Variants in OXTR observed in about 807,000 individuals in gnomAD.
The protein encoded by OXTR is oxytocin receptor.
OXTR carries 19 observed loss-of-function variants against 23.9 expected under a neutral mutation model. That is an observed-to-expected ratio of 0.80 (90% CI 0.56 to 1.17). The LOEUF (loss-of-function observed/expected upper bound fraction) is 1.17. OXTR is among the 50% of genes most tolerant of loss of function. OXTR has a pLI of 0.00. For missense variants in OXTR, 500 were observed against 550.7 expected (o/e 0.91, Z 0.92); for synonymous variants, 278 against 250.5 (o/e 1.11, Z -1.04).
At position 8,768,205 on chromosome 3, in the gene OXTR, T is replaced by G; in HGVS notation, c.-18A>C. The G allele has an allele frequency of 7.8e-7, 1 of 1,280,834 alleles. No individual in the cohort carries two copies. Among genetic ancestry groups the G allele is most frequent in the Non-Finnish European group, 9.8e-7 (1 of 1,020,198 alleles). The allele number at this position is 1,280,834 out of a possible 1,614,324, so 79.3% of individuals were successfully genotyped here. On this transcript the variant is annotated 5_prime_UTR_variant, in exon 3 of 4. Coordinates refer to ENST00000316793, the MANE Select transcript of OXTR (RefSeq NM_000916.4). This position sits in a 1 kb window ranked among gnomAD's most constrained non-coding sequence, Gnocchi z 5.4. ...CCCTCCATGACCCTGGCGGCAGCGG[T>G]GCGCCCCGGCCTTCGAGCCCTTTAC...
intron 3 of OXTR, among the ~76,000 whole-genome samples, chr3:8,755,255 A>G (rs1229642388): frequency 1.3e-5 from 2 of 152,180 alleles, no homozygotes; most frequent in African/African-American, 4.8e-5. Flanking sequence ...ATGTCTTAGA[A>G]ATAATGAAAG....
At chr3:8,762,914 C>T (rs1037100755) in intron 3 of OXTR, among the ~76,000 whole-genome samples, 1 of 152,342 alleles carries the variant, frequency 6.6e-6, no homozygotes, top group Middle Eastern at 3.4e-3. Context: ...TCTTCATGGC[C>T]ATCCCTGCCC....
chr3:8,741,473 G>C, the OXTR span, among the ~76,000 whole-genome samples: 1 of 152,124 alleles, frequency 6.6e-6, no homozygotes, highest in Non-Finnish European at 1.5e-5. Flanking sequence ...TCTCACTTGG[G>C]TTTTCTGACT....
intron 3 of OXTR, among the ~76,000 whole-genome samples, chr3:8,766,806 T>A (rs1708617879): frequency 6.6e-6 from 1 of 152,176 alleles, no homozygotes; most frequent in Non-Finnish European, 1.5e-5. Context: ...TTTCTTGAAC[T>A]TAAAGTGGAA....
downstream of OXTR, among the ~76,000 whole-genome samples, chr3:8,749,876 A>G (rs138438271): frequency 1.6e-3 from 237 of 152,274 alleles, no homozygotes; most frequent in African/African-American, 5.5e-3. Context: ...ATGGAGGAAG[A>G]ATAAAGTGTG....
intron 3 of OXTR, among the ~76,000 whole-genome samples, chr3:8,754,839 T>C (rs942325365): frequency 5.9e-5 from 9 of 152,232 alleles, no homozygotes; most frequent in South Asian, 4.1e-4. Context: ...GTCTAATTAA[T>C]TGGTGCACCT....
intron 3 of OXTR, among the ~76,000 whole-genome samples, chr3:8,758,094 C>A (rs1353647002): frequency 6.6e-6 from 1 of 152,110 alleles, no homozygotes; most frequent in African/African-American, 2.4e-5. Context: ...ACGCCAACAT[C>A]CCCTGCTGGG....
chr3:8,763,718 G>A (rs536100211), intron 3 of OXTR, among the ~76,000 whole-genome samples: 5 of 152,264 alleles, frequency 3.3e-5, no homozygotes, highest in Admixed American at 2.6e-4. Context: ...GACGGCATCC[G>A]GCTGCTTTGA....
chr3:8,744,275 A>ATTTTTT, the OXTR span, among the ~76,000 whole-genome samples: 102 of 120,840 alleles, frequency 8.4e-4, 1 homozygote, highest in African/African-American at 3.4e-3. Context: ...GACCAGTGGA[A>ATTTTTT]TTTTTTTTTT....
At chr3:8,761,481 G>C (rs866020309) in intron 3 of OXTR, among the ~76,000 whole-genome samples, 1 of 151,946 alleles carries the variant, frequency 6.6e-6, no homozygotes, top group African/African-American at 2.4e-5. Flanking sequence ...GTAGATCATC[G>C]GGAAAACTGC....
intron 3 of OXTR, among the ~76,000 whole-genome samples, chr3:8,762,525 T>C (rs1452677486): frequency 6.6e-6 from 1 of 152,234 alleles, no homozygotes; most frequent in Non-Finnish European, 1.5e-5. Context: ...GCACTCTTCA[T>C]GGCCCAGAGT....
At chr3:8,741,427 T>C in the OXTR span, among the ~76,000 whole-genome samples, 1 of 152,156 alleles carries the variant, frequency 6.6e-6, no homozygotes, top group Non-Finnish European at 1.5e-5. Flanking sequence ...AGCAAGGTAA[T>C]AGGGGAGGAA....
At chr3:8,766,647 C>T (rs1043189417) in intron 3 of OXTR, among the ~76,000 whole-genome samples, 1 of 152,180 alleles carries the variant, frequency 6.6e-6, no homozygotes, top group African/African-American at 2.4e-5. Flanking sequence ...CACCTCCACT[C>T]GATGAGGAGT....
downstream of OXTR, chr3:8,745,726 A>G (rs1708140024): frequency 1.2e-6 from 2 of 1,614,120 alleles, no homozygotes; most frequent in Non-Finnish European, 1.7e-6. This position sits in a 1 kb window ranked among gnomAD's most constrained non-coding sequence, Gnocchi z 4.8. Context: ...CGGTGGTGCC[A>G]TGCATTAAGA....
rs750277604 is a variant in OXTR, at chr3:8,753,175, G to T, written c.972C>A (p.Cys324Ter). Residue 324 changes from cysteine (C) to a stop codon, truncating the protein, a stop_gained, in exon 4 of 4, where the codon TGC (cysteine) becomes TGA (stop). Coordinates refer to ENST00000316793, the MANE Select transcript of OXTR (RefSeq NM_000916.4). LOFTEE classifies it high-confidence loss of function. ...VMLLASLNSC[C>*]NPWIYMLFTG... ...TGAACAGCATGTAGATCCAGGGGTT[G>T]CAGCAGCTGTTGAGGCTGGCCAGGA... 1 of 1,614,160 alleles carries T rather than the reference G, an allele frequency of 6.2e-7. No homozygotes were observed. Among genetic ancestry groups the T allele is most frequent in the Admixed American group, 1.7e-5 (1 of 60,020 alleles).
downstream of OXTR, chr3:8,745,644 C>T (rs72546668): frequency 2.5e-3 from 4,018 of 1,614,100 alleles, 8 homozygotes; most frequent in Middle Eastern, 8.4e-3. This position sits in a 1 kb window ranked among gnomAD's most constrained non-coding sequence, Gnocchi z 4.8. Flanking sequence ...CTGTTGTCCA[C>T]GCTGCTGGGC....
At chr3:8,742,373 AAG>A in the OXTR span, 1,564 of 320,814 alleles carry the variant, frequency 4.9e-3, 4 homozygotes, top group Middle Eastern at 8.9e-3. Flanking sequence ...AAAAAAAAAA[AAG>A]AAGAAGAAGA....
chr3:8,765,401 G>A (rs1338670926), intron 3 of OXTR, among the ~76,000 whole-genome samples: 1 of 152,078 alleles, frequency 6.6e-6, no homozygotes, highest in Non-Finnish European at 1.5e-5. Flanking sequence ...AGAGAGGAGT[G>A]GAATGTCTGT....
At chr3:8,767,100 G>A (rs1162105680) in intron 3 of OXTR, among the ~76,000 whole-genome samples, 166 bp downstream of exon 3, 1 of 152,162 alleles carries the variant, frequency 6.6e-6, no homozygotes, top group Non-Finnish European at 1.5e-5. Flanking sequence ...GAGGTTAATT[G>A]CCCTAAGTCA....
Sources: gnomAD v4.1 joint callset for allele counts (sites outside exome capture counted in the v4.1 genomes callset) on GRCh38, gnomAD v4.1.1 for gene constraint, Gnocchi (gnomAD v3.1) non-coding constraint, MANE v1.5 for transcripts, NCBI Gene and HGNC (gene_info 2026-07-23, HGNC 2026-07-21) for gene names.